The following ROBO2 variants were observed in gnomAD, a reference collection of about 807,000 sequenced individuals.
The protein encoded by ROBO2 is roundabout homolog 2.
A neutral mutation model predicts 160.8 loss-of-function variants in ROBO2; 53 were observed. That is an observed-to-expected ratio of 0.33 (90% confidence interval 0.26 to 0.41). The LOEUF is 0.41. Ranked by LOEUF, ROBO2 falls within the 10% of genes least tolerant of loss-of-function variation. ROBO2 has a pLI of 1.00. For synonymous variants in ROBO2, 664 were observed against 611.7 expected, an observed-to-expected ratio of 1.09 and a Z score of -1.26; for missense variants, 1,577 against 1,722.4, an observed-to-expected ratio of 0.92 and a Z score of 1.49.
At chr3:76,811,862 C>T (rs139544880) in intron 2 of ROBO2, among the ~76,000 whole-genome samples, 18 of 122,216 alleles carry the variant, frequency 1.5e-4, no homozygotes, top group African/African-American at 5.8e-4. Flanking sequence ...TCCTTCCTTC[C>T]TTCCTTCCTT....
chr3:76,241,443 C>G (rs1207046253), intron 2 of ROBO2, among the ~76,000 whole-genome samples: 1 of 152,166 alleles, frequency 6.6e-6, no homozygotes, highest in Non-Finnish European at 1.5e-5. Context: ...TAGCAGAGAA[C>G]AGAACGGAGG....
At chr3:76,376,779 T>C (rs1255006397) in intron 2 of ROBO2, among the ~76,000 whole-genome samples, 4 of 152,140 alleles carry the variant, frequency 2.6e-5, no homozygotes, top group African/African-American at 4.8e-5. Flanking sequence ...TGGCAGAGTC[T>C]AATTGAAGGT....
At chr3:76,542,699 C>T (rs3849506) in intron 2 of ROBO2, among the ~76,000 whole-genome samples, 98 of 152,138 alleles carry the variant, frequency 6.4e-4, no homozygotes, top group Middle Eastern at 3.4e-3. Context: ...CCTTTCATTC[C>T]GCAAGATCTT....
rs148262016 is a variant in ROBO2, at chr3:76,307,072, T to C, written c.109+369470T>C. On this transcript the variant is annotated intron_variant, in intron 2 of 26. Transcript: ENST00000487694. ...CGAACATTTTAATCTAGCCCCTGCC[T>C]ACCGCTGCTACTCATCTATAGGTTC... is the stretch of plus-strand genomic sequence containing the variant. Among the ~76,000 whole-genome samples the C allele has an allele frequency of 3.0e-3, 464 of 152,298 alleles. 2 individuals carry two copies. The highest frequency in any genetic ancestry group is 9.5e-3 in the South Asian group (46 of 4,822).
intron 2 of ROBO2, among the ~76,000 whole-genome samples, chr3:77,017,948 C>T (rs1431601444): frequency 2.6e-5 from 4 of 152,134 alleles, no homozygotes; most frequent in South Asian, 2.1e-4. Context: ...ACATGCTTGG[C>T]GTTCCAATAA....
At chr3:77,159,091 G>A (rs1359832948) in intron 2 of ROBO2, among the ~76,000 whole-genome samples, 1 of 152,026 alleles carries the variant, frequency 6.6e-6, no homozygotes, top group Non-Finnish European at 1.5e-5. Context: ...TCTGAGCAAG[G>A]CAGGGACTGT....
At chr3:77,480,047 G>C (rs1328473434) in intron 3 of ROBO2, among the ~76,000 whole-genome samples, 16 of 152,212 alleles carry the variant, frequency 1.1e-4, no homozygotes, top group East Asian at 3.9e-4. Context: ...ATTTTTATAA[G>C]CTCTCATTTT....
chr3:77,076,867 A>G (rs990181277), intron 1 of ROBO2, among the ~76,000 whole-genome samples: 5 of 152,184 alleles, frequency 3.3e-5, no homozygotes, highest in African/African-American at 1.2e-4. Context: ...GGATATAAGC[A>G]AACTGATACT....
At chr3:77,355,591 T>G (rs538415218) in intron 2 of ROBO2, among the ~76,000 whole-genome samples, 1 of 152,174 alleles carries the variant, frequency 6.6e-6, no homozygotes, top group South Asian at 2.1e-4. Context: ...TGAGTGCTAG[T>G]GATGCAGATA....
intron 2 of ROBO2, among the ~76,000 whole-genome samples, chr3:76,712,339 T>C (rs888776026): frequency 3.3e-5 from 5 of 152,146 alleles, no homozygotes; most frequent in African/African-American, 1.2e-4. Context: ...TATAGTGTTA[T>C]GGCCCAGGAC....
At chr3:75,919,804 A>G (rs1316272210) in intron 1 of ROBO2, among the ~76,000 whole-genome samples, 2 of 151,782 alleles carry the variant, frequency 1.3e-5, no homozygotes, top group African/African-American at 4.8e-5. Flanking sequence ...TTTCCTCTAG[A>G]TTTTCTAGTT....
chr3:76,891,830 G>A (rs2074366007), intron 2 of ROBO2, among the ~76,000 whole-genome samples: 1 of 152,136 alleles, frequency 6.6e-6, no homozygotes, highest in African/African-American at 2.4e-5. Flanking sequence ...AGACTAAAAA[G>A]AAATAGCAAT....
chr3:77,021,441 T>C (rs941506792), intron 2 of ROBO2, among the ~76,000 whole-genome samples: 5 of 152,018 alleles, frequency 3.3e-5, no homozygotes, highest in African/African-American at 1.2e-4. Flanking sequence ...AACTTAGAAA[T>C]ATTACGCTAA....
At chr3:76,903,847 A>T (rs1235569897) in intron 2 of ROBO2, among the ~76,000 whole-genome samples, 1 of 152,166 alleles carries the variant, frequency 6.6e-6, no homozygotes, top group African/African-American at 2.4e-5. Flanking sequence ...TTTTTCTAGA[A>T]ACTGAAACAG....
At chr3:77,642,536 T>G (rs2095363524) in intron 24 of ROBO2, 135 bp from the exon 26 acceptor site, 4 of 357,444 alleles carry the variant, frequency 1.1e-5, no homozygotes, top group South Asian at 8.6e-5. Flanking sequence ...AAATAAATAA[T>G]TGACTTTTAT....
intron 2 of ROBO2, among the ~76,000 whole-genome samples, chr3:76,657,553 C>A (rs1469653873): frequency 1.3e-5 from 2 of 149,706 alleles, no homozygotes; most frequent in African/African-American, 4.9e-5. Context: ...CCAGACCAGC[C>A]TGGGAAACAT....
intron 1 of ROBO2, among the ~76,000 whole-genome samples, chr3:75,937,286 T>G (rs1180833795): frequency 6.6e-6 from 1 of 152,132 alleles, no homozygotes; most frequent in African/African-American, 2.4e-5. Flanking sequence ...GAATAAAGAT[T>G]AAAGATGAAT....
At chr3:77,019,182 G>T (rs554540607) in intron 2 of ROBO2, among the ~76,000 whole-genome samples, 1 of 152,142 alleles carries the variant, frequency 6.6e-6, no homozygotes, top group Non-Finnish European at 1.5e-5. Flanking sequence ...GACAACAGAA[G>T]TGTATTTCTC....
chr3:77,519,063 G>T (rs908036422), intron 5 of ROBO2, among the ~76,000 whole-genome samples: 5 of 151,322 alleles, frequency 3.3e-5, no homozygotes, highest in African/African-American at 9.7e-5. Context: ...CTCTTTGAAA[G>T]GTAGTCTCTT....
Sources: allele counts gnomAD v4.1 joint callset (sites outside exome capture counted in the v4.1 genomes callset), GRCh38; gene constraint gnomAD v4.1.1; transcripts MANE v1.5; gene names NCBI Gene and HGNC (gene_info 2026-07-23, HGNC 2026-07-21).